Variants in ARIH1 observed in about 807,000 individuals in gnomAD.
The protein encoded by ARIH1 is ariadne RBR E3 ubiquitin protein ligase 1, also known as E3 ubiquitin-protein ligase ARIH1.
In ARIH1, 8 loss-of-function variants were observed where a neutral mutation model predicts 85.0. That is an observed-to-expected ratio of 0.09 (90% confidence interval 0.06 to 0.17). The LOEUF (loss-of-function observed/expected upper bound fraction) is 0.17. Ranked by LOEUF, ARIH1 falls within the 10% of genes least tolerant of loss-of-function variation. The probability of loss-of-function intolerance (pLI) is 1.00; values close to 1 mark genes in which losing one functional copy is unlikely to be tolerated. For synonymous variants in ARIH1, 238 were observed against 253.6 expected (o/e 0.94, Z 0.59); for missense variants, 311 against 718.1 (o/e 0.43, Z 6.48).
intron 1 of ARIH1, among the ~76,000 whole-genome samples, chr15:72,507,020 GTATT>G (rs947407689): frequency 3.5e-4 from 27 of 76,468 alleles, no homozygotes; most frequent in African/African-American, 1.1e-3. Flanking sequence ...ATGTATGTAT[GTATT>G]TATTTATTTA....
chr15:72,504,875 A>G (rs559686308), intron 1 of ARIH1, among the ~76,000 whole-genome samples: 6 of 152,314 alleles, frequency 3.9e-5, no homozygotes, highest in African/African-American at 1.4e-4. Flanking sequence ...GTCATTGACT[A>G]AGCATTAATT....
intron 1 of ARIH1, among the ~76,000 whole-genome samples, chr15:72,516,531 T>C (rs954643005): frequency 3.3e-5 from 5 of 152,218 alleles, no homozygotes; most frequent in African/African-American, 9.6e-5. Context: ...AGTTAAAATA[T>C]TTCTTTTCAC....
chr15:72,600,151 A>G lies in ARIH1; in HGVS notation c.*16859A>G, dbSNP rs1478905712. 1.3e-5 allele frequency: 2 copies of G among 152,188 alleles called. No individual in the cohort carries two copies. The highest frequency in any genetic ancestry group is 4.8e-5 in the African/African-American group (2 of 41,444). The allele number at this position is 152,188 out of a possible 1,614,324, so 9.4% of individuals were successfully genotyped here. A position where few individuals can be genotyped will look rare whatever the true frequency, so the allele number is the denominator to read the frequency against. On this transcript the variant is annotated 3_prime_UTR_variant, in exon 14 of 14. Transcript: ENST00000379887. The stretch of plus-strand genomic sequence containing the variant: ...CTCAACTGTAGCTCCTTGTTTATAC[A>G]TATATTGGGGGTGTTGAAAAGTTAC...
chr15:72,519,175 G>A (rs1226929951), intron 2 of ARIH1, among the ~76,000 whole-genome samples: 2 of 151,714 alleles, frequency 1.3e-5, no homozygotes, highest in Non-Finnish European at 2.9e-5. Flanking sequence ...CCTAGTTGTT[G>A]GGAACTGACA....
rs59841210 is a variant in ARIH1 at position 72,534,959 on chromosome 15, C to CTTTTTTTTTTTTTTTTTTTTTT, written c.444-9850_444-9849insTTTTTTTTTTTTTTTTTTTTTT. ...CCTATGTCTTCTTATTGTCTGTATT[C>CTTTTTTTTTTTTTTTTTTTTTT]TTTTTTTTTTTGAGACGGAGTCTCG... On this transcript the variant is annotated intron_variant, in intron 2 of 13. Coordinates refer to ENST00000379887, the MANE Select transcript of ARIH1 (RefSeq NM_005744.5). Among the ~76,000 whole-genome samples the CTTTTTTTTTTTTTTTTTTTTTT allele has an allele frequency of 1.4e-3, 106 of 73,904 alleles. 36 individuals carry two copies. The highest frequency in any genetic ancestry group is 3.0e-3 in the Non-Finnish European group (85 of 28,460). The allele number at this position is 73,904 out of a possible 152,430, so 48.5% of individuals were successfully genotyped here.
intron 1 of ARIH1, among the ~76,000 whole-genome samples, chr15:72,491,601 G>A (rs1048211912): frequency 1.3e-5 from 2 of 152,024 alleles, no homozygotes; most frequent in African/African-American, 4.8e-5. Flanking sequence ...ATAAGTCTTG[G>A]TACTATCCCC....
At position 72,475,219 on chromosome 15, in the gene ARIH1, G is replaced by A. The variant is rs1425568280; in HGVS notation, c.375+205G>A. On this transcript the variant is annotated intron_variant, in intron 1 of 13. Coordinates refer to ENST00000379887, the MANE Select transcript of ARIH1 (RefSeq NM_005744.5). The stretch of plus-strand genomic sequence containing the variant: ...TTAGCCGGGTGTGGGGAGGTGCGCT[G>A]GGGGCGGTGCTTCCCAAGTCCTGCT... 1.0e-5 allele frequency: 12 copies of A among 1,176,374 alleles called. No homozygotes were observed. In the South Asian group the frequency reaches 1.5e-4, roughly 15 times the overall value. The allele number at this position is 1,176,374 out of a possible 1,614,324, so 72.9% of individuals were successfully genotyped here. A position where few individuals can be genotyped will look rare whatever the true frequency, so the allele number is the denominator to read the frequency against.
chr15:72,503,905 C>A (rs2063913544), intron 1 of ARIH1, among the ~76,000 whole-genome samples: 3 of 152,194 alleles, frequency 2.0e-5, no homozygotes, highest in African/African-American at 7.2e-5. Context: ...GCCTGCAACC[C>A]CTGAAGCCCT....
intron 2 of ARIH1, among the ~76,000 whole-genome samples, chr15:72,542,253 G>C (rs1363612146): frequency 6.6e-6 from 1 of 152,154 alleles, no homozygotes; most frequent in Non-Finnish European, 1.5e-5. Flanking sequence ...CAGTGGAGTA[G>C]CACGATAAAT....
chr15:72,552,797 CAG>C (rs1320528278), intron 3 of ARIH1, among the ~76,000 whole-genome samples: 6 of 145,554 alleles, frequency 4.1e-5, no homozygotes, highest in Non-Finnish European at 9.0e-5. Flanking sequence ...TTTTTTGAGA[CAG>C]AGTCTCGCTT....
chr15:72,585,730 A>C lies in ARIH1; in HGVS notation c.*2438A>C, dbSNP rs141006963. 6.6e-6 allele frequency: 1 copy of C among 152,250 alleles called. No homozygotes were observed. Among genetic ancestry groups the C allele is most frequent in the African/African-American group, 2.4e-5 (1 of 41,556 alleles). 9.4% of individuals were successfully genotyped at this position (152,250 alleles called of 1,614,324 possible). A position where few individuals can be genotyped will look rare whatever the true frequency, so the allele number is the denominator to read the frequency against. On this transcript the variant is annotated 3_prime_UTR_variant, in exon 14 of 14. Coordinates refer to ENST00000379887, the MANE Select transcript of ARIH1 (RefSeq NM_005744.5). ...CTGAGGGTATTGCAGTTGTGGGTGC[A>C]TTCCCTAATTTGTATGATCAAGATG...
At position 72,582,255 on chromosome 15, in the gene ARIH1, G is replaced by T. The variant is rs2064298040; in HGVS notation, c.1589+68G>T. ...ATGATCCTTACTGGTAAAGTTCAGTGATAGTGAAACTGGGTTTAGCATATC... is the reference window on the plus strand; with the variant it reads ...ATGATCCTTACTGGTAAAGTTCAGTTATAGTGAAACTGGGTTTAGCATATC... On this transcript the variant is annotated intron_variant, in intron 13 of 13. Transcript: ENST00000379887. This position sits in a 1 kb window ranked among gnomAD's most constrained non-coding sequence, Gnocchi z 4.6. 9.0e-7 allele frequency: 1 copy of T among 1,108,942 alleles called. No homozygotes were observed. The highest frequency in any genetic ancestry group is 2.1e-5 in the Admixed American group (1 of 48,220). 68.7% of individuals were successfully genotyped at this position (1,108,942 alleles called of 1,614,324 possible).
intron 2 of ARIH1, among the ~76,000 whole-genome samples, chr15:72,533,177 G>T (rs926916521): frequency 6.6e-6 from 1 of 152,302 alleles, no homozygotes; most frequent in Non-Finnish European, 1.5e-5. Context: ...CTCCCAGGCT[G>T]GGGTGCAGTG....
chr15:72,523,939 CTTTTTT>C (rs397853910), intron 2 of ARIH1, among the ~76,000 whole-genome samples: 3 of 61,672 alleles, frequency 4.9e-5, no homozygotes, highest in Non-Finnish European at 8.9e-5. Flanking sequence ...ACTTTTACAT[CTTTTTT>C]TTTTTTTTTT....
At chr15:72,509,621 C>A (rs555087299) in intron 1 of ARIH1, among the ~76,000 whole-genome samples, 1 of 152,122 alleles carries the variant, frequency 6.6e-6, no homozygotes, top group African/African-American at 2.4e-5. Context: ...CAGGGTCTTA[C>A]TCTTTCGCCC....
chr15:72,573,106 G>T (rs75427149), intron 11 of ARIH1, among the ~76,000 whole-genome samples: 4,542 of 152,178 alleles, frequency 0.03, 84 homozygotes, highest in Non-Finnish European at 0.047. Context: ...CCTAGCCAGG[G>T]TACAATCTAA....
At chr15:72,535,206 C>G (rs2064076704) in intron 2 of ARIH1, among the ~76,000 whole-genome samples, 1 of 152,000 alleles carries the variant, frequency 6.6e-6, no homozygotes, top group Non-Finnish European at 1.5e-5. Context: ...CCGCCTCGGC[C>G]TCCCAAAGTG....
Position 72,602,716 on chromosome 15 carries a change from C to G in ARIH1, c.*19424C>G, listed in dbSNP as rs2064386283. 1 of 152,198 alleles carries G rather than the reference C, an allele frequency of 6.6e-6. No individual in the cohort carries two copies. The highest frequency in any genetic ancestry group is 1.5e-5 in the Non-Finnish European group (1 of 68,062). The allele number at this position is 152,198 out of a possible 1,614,324, so 9.4% of individuals were successfully genotyped here. A position where few individuals can be genotyped will look rare whatever the true frequency, so the allele number is the denominator to read the frequency against. On this transcript the variant is annotated 3_prime_UTR_variant, in exon 14 of 14. Coordinates refer to ENST00000379887, the MANE Select transcript of ARIH1 (RefSeq NM_005744.5). ...CTTGACTGACTTTTTCTTCTTCACCCTGTCCGGCACTGTGCCCTTATTAGC... is the reference window on the plus strand; with the variant it reads ...CTTGACTGACTTTTTCTTCTTCACCGTGTCCGGCACTGTGCCCTTATTAGC...
chr15:72,529,676 A>G (rs1156476327), intron 2 of ARIH1, among the ~76,000 whole-genome samples: 1 of 152,138 alleles, frequency 6.6e-6, no homozygotes, highest in Non-Finnish European at 1.5e-5. Flanking sequence ...GTGGGAAAGG[A>G]TTTAGTAATG....
Sources: gnomAD v4.1 joint callset for allele counts (sites outside exome capture counted in the v4.1 genomes callset) on GRCh38, gnomAD v4.1.1 for gene constraint, Gnocchi (gnomAD v3.1) non-coding constraint, MANE v1.5 for transcripts, NCBI Gene and HGNC (gene_info 2026-07-23, HGNC 2026-07-21) for gene names.